CDH8: variants seen among roughly 807,000 people sequenced by gnomAD.
CDH8 encodes cadherin-8.
CDH8 carries 17 observed loss-of-function variants against 68.1 expected under a neutral mutation model. The ratio of observed to expected loss-of-function variants is 0.25; its 90% confidence interval spans 0.17 to 0.37. The LOEUF (loss-of-function observed/expected upper bound fraction) is 0.37, where lower values mean the gene tolerates loss of function less well. CDH8 is among the 10% of genes least tolerant of loss of function. The pLI is 1.00. For missense variants in CDH8, 763 were observed against 999.3 expected (o/e 0.76, Z 3.19); for synonymous variants, 372 against 365.1 (o/e 1.02, Z -0.21).
intron 4 of CDH8, among the ~76,000 whole-genome samples, chr16:61,844,421 A>G (rs903813342): frequency 6.6e-6 from 1 of 152,168 alleles, no homozygotes; most frequent in Non-Finnish European, 1.5e-5. Context: ...CCTAAAACTT[A>G]AAATATAATA....
intron 3 of CDH8, among the ~76,000 whole-genome samples, chr16:61,895,450 T>C (rs1963854815): frequency 6.6e-6 from 1 of 152,166 alleles, no homozygotes; most frequent in Non-Finnish European, 1.5e-5. Flanking sequence ...ATAGTATTGT[T>C]GTGTATATTA....
At chr16:61,839,548 A>G (rs982281015) in intron 4 of CDH8, among the ~76,000 whole-genome samples, 2 of 152,124 alleles carry the variant, frequency 1.3e-5, no homozygotes, top group Admixed American at 1.3e-4. Context: ...AATGAATTAA[A>G]CTTTCTTTCA....
intron 4 of CDH8, among the ~76,000 whole-genome samples, chr16:61,849,889 A>G (rs1384525922): frequency 6.6e-6 from 1 of 152,196 alleles, no homozygotes; most frequent in African/African-American, 2.4e-5. Context: ...AACAAAAATA[A>G]CAAAAGTAAT....
intron 2 of CDH8, among the ~76,000 whole-genome samples, chr16:61,955,700 G>C (rs1237923220): frequency 6.6e-6 from 1 of 152,078 alleles, no homozygotes; most frequent in Non-Finnish European, 1.5e-5. Context: ...TTTAAACAGG[G>C]AAATCCTAGC....
intron 3 of CDH8, among the ~76,000 whole-genome samples, chr16:61,874,861 T>C (rs1412194690): frequency 6.6e-6 from 1 of 152,166 alleles, no homozygotes; most frequent in Non-Finnish European, 1.5e-5. Flanking sequence ...ACCAACCTAA[T>C]AGATACAGAG....
intron 8 of CDH8, among the ~76,000 whole-genome samples, chr16:61,777,988 A>G (rs1333745167): frequency 1.3e-5 from 2 of 152,092 alleles, no homozygotes; most frequent in Non-Finnish European, 2.9e-5. Context: ...GAGAACCTGC[A>G]TGCCTATCTA....
intron 4 of CDH8, among the ~76,000 whole-genome samples, chr16:61,844,577 G>A (rs1962764681): frequency 6.6e-6 from 1 of 152,128 alleles, no homozygotes; most frequent in South Asian, 2.1e-4. Context: ...CACGTGAAAT[G>A]TAAATAAGGC....
In CDH8 at chr16:61,768,358, CTCT is replaced by C. The variant is rs1960669664; in HGVS notation, c.1414+20985_1414+20987del. 3.2e-4 allele frequency among the ~76,000 whole-genome samples: 36 copies of C among 113,604 alleles called. 1 individual carries two copies. Among genetic ancestry groups the C allele is most frequent in the African/African-American group, 1.2e-3 (34 of 28,366 alleles). 74.5% of individuals were successfully genotyped at this position (113,604 alleles called of 152,430 possible). ...TCTCTCTCTCTCTCTCTCTCTCTCT[CTCT>C]CTCTCTCCCTTTCTCTCTCTCTCTC... On this transcript the variant is annotated intron_variant, in intron 8 of 11. Coordinates refer to ENST00000577390, the MANE Select transcript of CDH8 (RefSeq NM_001796.5).
intron 2 of CDH8, among the ~76,000 whole-genome samples, chr16:61,986,991 A>C (rs1231270216): frequency 6.6e-6 from 1 of 152,226 alleles, no homozygotes; most frequent in Non-Finnish European, 1.5e-5. Context: ...GAGAATCACG[A>C]CTTAAGATTA....
chr16:61,711,821 A>G (rs977589884), intron 10 of CDH8, among the ~76,000 whole-genome samples: 1 of 151,740 alleles, frequency 6.6e-6, no homozygotes, highest in Non-Finnish European at 1.5e-5. Context: ...TTTTTCAGAC[A>G]TAAATATAAG....
intron 2 of CDH8, among the ~76,000 whole-genome samples, chr16:61,917,763 A>C (rs1419265979): frequency 6.6e-6 from 1 of 152,180 alleles, no homozygotes; most frequent in Non-Finnish European, 1.5e-5. Flanking sequence ...TGCACAGGGT[A>C]CTGAACAATT....
chr16:61,994,927 C>G (rs1965785021), intron 2 of CDH8, among the ~76,000 whole-genome samples: 1 of 152,168 alleles, frequency 6.6e-6, no homozygotes, highest in Non-Finnish European at 1.5e-5. Flanking sequence ...TTTCCTTGTA[C>G]AATTTTATTG....
chr16:61,921,648 C>T (rs929056514), intron 2 of CDH8, among the ~76,000 whole-genome samples: 3 of 152,022 alleles, frequency 2.0e-5, no homozygotes, highest in Admixed American at 2.0e-4. Context: ...CAGTATTTCC[C>T]AAATACATGA....
chr16:61,895,199 G>A (rs550395533), intron 3 of CDH8, among the ~76,000 whole-genome samples: 5 of 151,970 alleles, frequency 3.3e-5, no homozygotes, highest in South Asian at 2.1e-4. Context: ...CTTCCACCTC[G>A]GAAAAACATT....
intron 3 of CDH8, among the ~76,000 whole-genome samples, chr16:61,900,923 A>T (rs1195870555): frequency 6.6e-6 from 1 of 152,212 alleles, no homozygotes. Context: ...CTATGAGAGG[A>T]ATACAAATTC....
At chr16:61,699,079 C>A (rs1237627357) in intron 10 of CDH8, among the ~76,000 whole-genome samples, 1 of 152,134 alleles carries the variant, frequency 6.6e-6, no homozygotes, top group Admixed American at 6.5e-5. Context: ...TGCCAGCTTC[C>A]TTTCATGAAG....
chr16:61,876,153 G>C (rs964292472), intron 3 of CDH8, among the ~76,000 whole-genome samples: 2 of 152,166 alleles, frequency 1.3e-5, no homozygotes, highest in African/African-American at 4.8e-5. Flanking sequence ...GGAATTACAG[G>C]TGTGAGCCAC....
rs536764593 is a variant in CDH8 at position 62,008,664 on chromosome 16, A to G, written c.252+12488T>C. Among the ~76,000 whole-genome samples the G allele has an allele frequency of 9.2e-5, 14 of 152,168 alleles. No individual in the cohort carries two copies. The South Asian group carries it at 2.9e-3, about 32-fold the overall frequency. ...TTATAGGCATGAGTCACAGTCTTAAATGCATTTCTGATAGGCTAGTTGGAA... is the reference window on the plus strand; with the variant it reads ...TTATAGGCATGAGTCACAGTCTTAAGTGCATTTCTGATAGGCTAGTTGGAA... On this transcript the variant is annotated intron_variant, in intron 2 of 11. Coordinates refer to ENST00000577390, the MANE Select transcript of CDH8 (RefSeq NM_001796.5).
chr16:62,027,707 T>A (rs906616938), intron 1 of CDH8, among the ~76,000 whole-genome samples: 2 of 152,138 alleles, frequency 1.3e-5, no homozygotes. Flanking sequence ...CCAGAGCAAT[T>A]CACCCAAGCC....
Sources: allele counts gnomAD v4.1 joint callset (sites outside exome capture counted in the v4.1 genomes callset), GRCh38; gene constraint gnomAD v4.1.1; transcripts MANE v1.5; gene names NCBI Gene and HGNC (gene_info 2026-07-23, HGNC 2026-07-21).